The following CATSPER3 variants were observed in gnomAD, a reference collection of about 807,000 sequenced individuals.
CATSPER3 encodes cation channel sperm associated 3.
CATSPER3 carries 23 observed loss-of-function variants against 36.6 expected under a neutral mutation model. That is an observed-to-expected ratio of 0.63 (90% confidence interval 0.45 to 0.89). CATSPER3 has a LOEUF of 0.89. CATSPER3 is among the 40% of genes least tolerant of loss of function. The probability of loss-of-function intolerance (pLI) is 0.00; values close to 1 mark genes in which losing one functional copy is unlikely to be tolerated. For missense variants in CATSPER3, 474 were observed against 503.9 expected (o/e 0.94, Z 0.57); for synonymous variants, 172 against 184.1 (o/e 0.93, Z 0.53).
At chr5:134,969,897 C>G (rs1457476942) in intron 1 of CATSPER3, 42 bp from the exon 2 acceptor site, 3 of 1,609,906 alleles carry the variant, frequency 1.9e-6, no homozygotes, top group Admixed American at 3.3e-5. Context: ...GGATCTAGCT[C>G]TATTGTGCTG....
At chr5:135,008,777 A>G in intron 4 of CATSPER3, 64 bp from the exon 5 acceptor site, 1 of 1,452,284 alleles carries the variant, frequency 6.9e-7, no homozygotes, top group East Asian at 2.3e-5. Context: ...CCTCTAGCAT[A>G]GGTGAAAAGG....
chr5:135,003,819 G>A (rs1305673820), intron 3 of CATSPER3, among the ~76,000 whole-genome samples: 1 of 152,206 alleles, frequency 6.6e-6, no homozygotes, highest in Non-Finnish European at 1.5e-5. Flanking sequence ...AGTATTAGGT[G>A]GGAGTGACCC....
intron 2 of CATSPER3, 149 bp from the exon 3 acceptor site, chr5:134,996,124 C>G (rs1042980546): frequency 1.0e-6 from 1 of 964,654 alleles, no homozygotes; most frequent in African/African-American, 1.6e-5. Context: ...GCACACTGAG[C>G]GTGTGCTGTG....
intron 2 of CATSPER3, among the ~76,000 whole-genome samples, chr5:134,979,096 A>G (rs1751717273): frequency 6.6e-6 from 1 of 151,942 alleles, no homozygotes; most frequent in Non-Finnish European, 1.5e-5. Flanking sequence ...AGCAGCTCAC[A>G]TTCCTAATGT....
intron 2 of CATSPER3, 63 bp downstream of exon 2, chr5:134,970,155 T>C: frequency 1.3e-6 from 2 of 1,528,802 alleles, no homozygotes; most frequent in Admixed American, 3.4e-5. Flanking sequence ...TCTGGAAACA[T>C]TATAAGATTT....
intron 2 of CATSPER3, among the ~76,000 whole-genome samples, chr5:134,985,148 C>T (rs1751793789): frequency 6.6e-6 from 1 of 152,098 alleles, no homozygotes; most frequent in Non-Finnish European, 1.5e-5. Flanking sequence ...CAGTGCAATT[C>T]ACAGTTGTAA....
chr5:134,990,274 C>T (rs577856316), intron 2 of CATSPER3, among the ~76,000 whole-genome samples: 9 of 152,186 alleles, frequency 5.9e-5, no homozygotes, highest in Admixed American at 3.3e-4. Context: ...TTCAGGCAGA[C>T]GTGAGACATC....
At position 134,968,228 on chromosome 5, in the gene CATSPER3, G is replaced by T. The variant is rs77577000; in HGVS notation, c.98+139G>T. ...TAAGTTGCATGTCCTTGACAATCTGGTTTCTATGATTGGTGAGGCTGGCAT... is the reference window on the plus strand; with the variant it reads ...TAAGTTGCATGTCCTTGACAATCTGTTTTCTATGATTGGTGAGGCTGGCAT... On this transcript the variant is annotated intron_variant, in intron 1 of 7. Transcript: ENST00000282611. 3.6e-3 allele frequency: 2,505 copies of T among 696,586 alleles called. 31 individuals carry two copies. The highest frequency in any genetic ancestry group is 0.03 in the East Asian group (1,074 of 36,166). The allele number at this position is 696,586 out of a possible 1,614,324, so 43.2% of individuals were successfully genotyped here.
chr5:135,000,196 T>C (rs557284520), intron 3 of CATSPER3, among the ~76,000 whole-genome samples: 1 of 152,336 alleles, frequency 6.6e-6, no homozygotes, highest in East Asian at 1.9e-4. Context: ...GTTCTGTTTA[T>C]ATGATGGATT....
chr5:134,980,964 C>T (rs1194195812), intron 2 of CATSPER3, among the ~76,000 whole-genome samples: 1 of 152,212 alleles, frequency 6.6e-6, no homozygotes, highest in Non-Finnish European at 1.5e-5. Context: ...AAGAGATTCT[C>T]CTGCCTTGGC....
At chr5:134,989,172 G>A (rs1264064362) in intron 2 of CATSPER3, among the ~76,000 whole-genome samples, 3 of 152,004 alleles carry the variant, frequency 2.0e-5, no homozygotes, top group Non-Finnish European at 4.4e-5. Flanking sequence ...GCTGTCATCC[G>A]GGCTTTGTTA....
In CATSPER3 at chr5:135,007,939, A is replaced by G; in HGVS notation, c.493-18A>G. Reference sequence around the variant, plus strand: ...GCTTGGTGGTACCCTCGCCTACCACAGTGTCCCTGCCTTGCAGACGCTGAT... The same window carrying G: ...GCTTGGTGGTACCCTCGCCTACCACGGTGTCCCTGCCTTGCAGACGCTGAT... On this transcript the variant is annotated intron_variant, in intron 3 of 7. Coordinates refer to ENST00000282611, the MANE Select transcript of CATSPER3 (RefSeq NM_178019.3). 1 of 1,612,786 alleles carries G rather than the reference A, an allele frequency of 6.2e-7. No individual in the cohort carries two copies.
chr5:135,010,630 T>C (rs1752170058), intron 7 of CATSPER3, 100 bp downstream of exon 7: 2 of 1,011,948 alleles, frequency 2.0e-6, no homozygotes, highest in Non-Finnish European at 3.1e-6. Context: ...ACTGAAGTGC[T>C]GATGGGCAGT....
At position 134,968,009 on chromosome 5, in the gene CATSPER3, C is replaced by A; in HGVS notation, c.18C>A (p.His6Gln). 1 of 1,613,964 alleles carries A rather than the reference C, an allele frequency of 6.2e-7. No individual in the cohort carries two copies. Among genetic ancestry groups the A allele is most frequent in the Non-Finnish European group, 8.5e-7 (1 of 1,179,848 alleles). The change falls in exon 1 of 8, where the codon CAC becomes CAA. Residue 6 changes from histidine to glutamine, a missense_variant. Coordinates refer to ENST00000282611, the MANE Select transcript of CATSPER3 (RefSeq NM_178019.3). MSQHR[H>Q]QRHSRVISSS... ...TTTGGAAAATGTCTCAACACCGTCA[C>A]CAGCGCCACTCGAGAGTCATTTCTA...
chr5:134,995,597 T>C (rs1222119377), intron 2 of CATSPER3: 1 of 160,474 alleles, frequency 6.2e-6, no homozygotes, highest in African/African-American at 2.4e-5. Context: ...GCCTTACTCA[T>C]TGTTGCATTT....
At chr5:135,001,100 G>C (rs908409982) in intron 3 of CATSPER3, among the ~76,000 whole-genome samples, 2 of 152,158 alleles carry the variant, frequency 1.3e-5, no homozygotes, top group African/African-American at 4.8e-5. Flanking sequence ...CTTTAAATGT[G>C]TCCCAGAGAT....
chr5:134,987,892 A>C (rs1409706476), intron 2 of CATSPER3, among the ~76,000 whole-genome samples: 1 of 152,226 alleles, frequency 6.6e-6, no homozygotes, highest in Non-Finnish European at 1.5e-5. Context: ...TAGGAACAAG[A>C]CTAATATGAC....
intron 2 of CATSPER3, among the ~76,000 whole-genome samples, chr5:134,978,115 A>G (rs1284099258): frequency 6.6e-6 from 1 of 152,158 alleles, no homozygotes; most frequent in Non-Finnish European, 1.5e-5. Flanking sequence ...CGAACATCCA[A>G]ACCGTATTAT....
intron 2 of CATSPER3, among the ~76,000 whole-genome samples, chr5:134,993,148 G>A (rs1000584968): frequency 8.5e-5 from 13 of 152,066 alleles, no homozygotes; most frequent in African/African-American, 3.1e-4. Context: ...TCTATTCCAC[G>A]TGCTACAACA....
Sources: allele counts gnomAD v4.1 joint callset (sites outside exome capture counted in the v4.1 genomes callset), GRCh38; gene constraint gnomAD v4.1.1; transcripts MANE v1.5; gene names NCBI Gene and HGNC (gene_info 2026-07-23, HGNC 2026-07-21).